Variants in IFTAP observed in about 807,000 individuals in gnomAD.
IFTAP encodes intraflagellar transport associated protein.
Under a neutral mutation model 19.4 loss-of-function variants are expected in IFTAP, and 19 were observed. The observed-to-expected ratio is 0.98, with a 90% confidence interval of 0.68 to 1.44. The LOEUF is 1.44. IFTAP is among the 40% of genes most tolerant of loss of function. IFTAP has a pLI of 0.00. For missense variants in IFTAP, 240 were observed against 253.6 expected (o/e 0.95, Z 0.36); for synonymous variants, 85 against 83.5 (o/e 1.02, Z -0.10).
At chr11:36,635,089 C>A (rs2133460949) in intron 3 of IFTAP, among the ~76,000 whole-genome samples, 1 of 152,188 alleles carries the variant, frequency 6.6e-6, no homozygotes, top group East Asian at 1.9e-4. Context: ...AATGGCAGTA[C>A]CATTTAAAAT....
At chr11:36,644,684 T>C (rs1853398952) in intron 4 of IFTAP, among the ~76,000 whole-genome samples, 1 of 151,794 alleles carries the variant, frequency 6.6e-6, no homozygotes, top group Non-Finnish European at 1.5e-5. Context: ...AAAGGATGAG[T>C]TCATGTCCTT....
chr11:36,631,807 T>G (rs1304160641), intron 2 of IFTAP, among the ~76,000 whole-genome samples: 1 of 151,180 alleles, frequency 6.6e-6, no homozygotes, highest in African/African-American at 2.5e-5. Flanking sequence ...TTTACTCTTT[T>G]AGTGATCATT....
At chr11:36,602,647 A>G (rs1358241319) in intron 1 of IFTAP, among the ~76,000 whole-genome samples, 1 of 152,176 alleles carries the variant, frequency 6.6e-6, no homozygotes, top group East Asian at 1.9e-4. Flanking sequence ...GTTACTACCC[A>G]TAACTCATTG....
intron 5 of IFTAP, among the ~76,000 whole-genome samples, chr11:36,658,742 A>G (rs1304347546): frequency 6.6e-6 from 1 of 152,176 alleles, no homozygotes; most frequent in Non-Finnish European, 1.5e-5. Flanking sequence ...TATAATGAGT[A>G]TATGCAAGGG....
intron 1 of IFTAP, among the ~76,000 whole-genome samples, chr11:36,605,933 A>G (rs183970013): frequency 3.3e-5 from 5 of 152,326 alleles, no homozygotes; most frequent in South Asian, 2.1e-4. Context: ...TAAAAACACA[A>G]AAGTATGTGA....
chr11:36,624,694 G>A (rs1852440464), intron 2 of IFTAP, among the ~76,000 whole-genome samples: 3 of 152,192 alleles, frequency 2.0e-5, no homozygotes, highest in Non-Finnish European at 1.5e-5. Context: ...GAAGTGAGGT[G>A]TGTGCTTTCT....
rs767576791 is a variant in IFTAP, at chr11:36,659,001, C to T, written c.499-18C>T. 3.9e-6 allele frequency: 6 copies of T among 1,522,862 alleles called. No homozygotes were observed. Among genetic ancestry groups the T allele is most frequent in the African/African-American group, 2.8e-5 (2 of 71,452 alleles). 94.3% of individuals were successfully genotyped at this position (1,522,862 alleles called of 1,614,324 possible). A position where few individuals can be genotyped will look rare whatever the true frequency, so the allele number is the denominator to read the frequency against. ...CAATGATTGTGTATGTTTTTTCCTC[C>T]TTTGTTACCTTTTATAGATACTTGG... On this transcript the variant is annotated intron_variant, in intron 5 of 5. Transcript: ENST00000334307.
intron 2 of IFTAP, 58 bp downstream of exon 2, chr11:36,610,297 G>A: frequency 2.7e-6 from 4 of 1,459,140 alleles, no homozygotes; most frequent in East Asian, 4.7e-5. Flanking sequence ...TATTATAAGT[G>A]TATGTTTTTG....
At position 36,610,140 on chromosome 11, in the gene IFTAP, G is replaced by A. The variant is rs374022577; in HGVS notation, c.37G>A (p.Glu13Lys). Residue 13 changes from glutamate (E) to lysine (K), a missense_variant, in exon 2 of 6, where the codon GAA (glutamate) becomes AAA (lysine). Transcript: ENST00000334307. ...TATGTCAGGATTGGAAATAATGGAT[G>A]AAGATCAATTAATCAAAGACGTCTT... ...AHMSGLEIMD[E>K]DQLIKDVLDK... 2.9e-5 allele frequency: 46 copies of A among 1,612,248 alleles called. No individual in the cohort carries two copies. In the South Asian group the frequency reaches 4.7e-4, roughly 17 times the overall value.
chr11:36,629,809 GA>G (rs1565019480), intron 2 of IFTAP, among the ~76,000 whole-genome samples: 1 of 151,036 alleles, frequency 6.6e-6, no homozygotes, highest in Non-Finnish European at 1.5e-5. Context: ...AAAGGAAATT[GA>G]AATTCCATTG....
intron 4 of IFTAP, among the ~76,000 whole-genome samples, chr11:36,639,731 G>C (rs1498340): frequency 0.14 from 20,571 of 152,122 alleles, 2,130 homozygotes; most frequent in African/African-American, 0.29. Flanking sequence ...GATCTACTCT[G>C]AAACCAAGCA....
intron 2 of IFTAP, among the ~76,000 whole-genome samples, chr11:36,625,979 C>G (rs1590215187): frequency 6.9e-6 from 1 of 145,342 alleles, no homozygotes; most frequent in African/African-American, 2.8e-5. Flanking sequence ...GCTGGAGTTG[C>G]ATGAGCAACG....
intron 1 of IFTAP, among the ~76,000 whole-genome samples, chr11:36,596,671 C>T (rs1851274686): frequency 6.6e-6 from 1 of 152,162 alleles, no homozygotes; most frequent in African/African-American, 2.4e-5. Flanking sequence ...AACACCAAAG[C>T]CAAGGCCTGC....
intron 2 of IFTAP, among the ~76,000 whole-genome samples, chr11:36,616,945 G>A (rs1158635187): frequency 6.6e-5 from 10 of 151,528 alleles, no homozygotes; most frequent in African/African-American, 1.7e-4. Context: ...AGGTGAATCC[G>A]TTTCTTTAAA....
chr11:36,618,253 G>C (rs1258487843), intron 2 of IFTAP, among the ~76,000 whole-genome samples: 1 of 151,924 alleles, frequency 6.6e-6, no homozygotes. Flanking sequence ...CCCCAACCCA[G>C]TATGACTGGT....
chr11:36,642,102 A>G (rs1464478482), intron 4 of IFTAP, among the ~76,000 whole-genome samples: 2 of 152,146 alleles, frequency 1.3e-5, no homozygotes, highest in African/African-American at 4.8e-5. Context: ...AAATTGATAG[A>G]CCGCTAGCAA....
intron 4 of IFTAP, among the ~76,000 whole-genome samples, chr11:36,643,379 C>G (rs148817685): frequency 2.0e-5 from 3 of 152,268 alleles, no homozygotes; most frequent in Admixed American, 2.0e-4. Context: ...ACATTCCATG[C>G]TCAAGGATAG....
chr11:36,599,679 G>A (rs961709757), intron 1 of IFTAP, among the ~76,000 whole-genome samples: 11 of 151,954 alleles, frequency 7.2e-5, no homozygotes, highest in African/African-American at 2.2e-4. Flanking sequence ...TCAGTTGATT[G>A]GTTGATTCTC....
intron 1 of IFTAP, among the ~76,000 whole-genome samples, chr11:36,600,460 A>C (rs1851465041): frequency 6.6e-6 from 1 of 152,216 alleles, no homozygotes; most frequent in Admixed American, 6.5e-5. Flanking sequence ...TGTGCATGTG[A>C]GGGAGCTAGG....
Sources: gnomAD v4.1 joint callset for allele counts (sites outside exome capture counted in the v4.1 genomes callset) on GRCh38, gnomAD v4.1.1 for gene constraint, MANE v1.5 for transcripts, NCBI Gene and HGNC (gene_info 2026-07-23, HGNC 2026-07-21) for gene names.